The following DIAPH3 variants were observed in gnomAD, a reference collection of about 807,000 sequenced individuals.
The protein encoded by DIAPH3 is diaphanous related formin 3, also known as protein diaphanous homolog 3.
DIAPH3 carries 117 observed loss-of-function variants against 144.3 expected under a neutral mutation model. The observed-to-expected ratio is 0.81, with a 90% CI of 0.70 to 0.95. DIAPH3 has a LOEUF of 0.95. DIAPH3 is among the 40% of genes least tolerant of loss of function. DIAPH3 has a pLI of 0.00. For missense variants in DIAPH3, 1,421 were observed against 1,412.7 expected (o/e 1.01, Z -0.09); for synonymous variants, 519 against 488.9 (o/e 1.06, Z -0.81).
intron 22 of DIAPH3, among the ~76,000 whole-genome samples, chr13:59,851,635 CTTTT>C (rs200870976): frequency 3.3e-4 from 37 of 112,390 alleles, no homozygotes; most frequent in Non-Finnish European, 5.8e-4. Context: ...ATAGATGAAT[CTTTT>C]TTTTTTTTTT....
chr13:59,870,623 C>T (rs1356905834), intron 21 of DIAPH3, among the ~76,000 whole-genome samples: 2 of 149,044 alleles, frequency 1.3e-5, no homozygotes, highest in Non-Finnish European at 3.0e-5. Flanking sequence ...ATGTCTATTA[C>T]TTTATTAGAT....
intron 5 of DIAPH3, among the ~76,000 whole-genome samples, chr13:60,025,724 A>G (rs1323140253): frequency 1.3e-5 from 2 of 152,212 alleles, no homozygotes; most frequent in Non-Finnish European, 2.9e-5. Context: ...ATTGCAAAAG[A>G]ATTAAAACAG....
chr13:60,083,581 T>C (rs2057638537), intron 4 of DIAPH3, among the ~76,000 whole-genome samples: 1 of 151,894 alleles, frequency 6.6e-6, no homozygotes, highest in South Asian at 2.1e-4. Flanking sequence ...ATCAGCAAAA[T>C]TCAGAATGTC....
At chr13:59,730,902 A>G (rs2035862437) in intron 27 of DIAPH3, among the ~76,000 whole-genome samples, 1 of 152,178 alleles carries the variant, frequency 6.6e-6, no homozygotes, top group Non-Finnish European at 1.5e-5. Flanking sequence ...TATTGCTGTC[A>G]GCATATAATC....
intron 3 of DIAPH3, among the ~76,000 whole-genome samples, chr13:60,098,582 A>C (rs1447235246): frequency 4.0e-5 from 6 of 151,582 alleles, no homozygotes; most frequent in Non-Finnish European, 8.8e-5. Flanking sequence ...TGAAAGAATA[A>C]ATATAGAAAC....
intron 1 of DIAPH3, among the ~76,000 whole-genome samples, chr13:60,138,644 TCATAAA>T (rs1366051452): frequency 2.0e-5 from 3 of 152,206 alleles, no homozygotes; most frequent in Non-Finnish European, 4.4e-5. Flanking sequence ...TCATTCAGTC[TCATAAA>T]CATAAACTTA....
chr13:60,149,996 T>C (rs1951711022), intron 1 of DIAPH3, among the ~76,000 whole-genome samples: 1 of 152,080 alleles, frequency 6.6e-6, no homozygotes, highest in Non-Finnish European at 1.5e-5. Flanking sequence ...ATTGTTGGAC[T>C]TTTTAAGAAG....
chr13:60,077,428 G>A (rs1318190471), intron 4 of DIAPH3, among the ~76,000 whole-genome samples: 1 of 151,964 alleles, frequency 6.6e-6, no homozygotes, highest in Non-Finnish European at 1.5e-5. Context: ...CAAAATATGA[G>A]ATAATATGAG....
intron 24 of DIAPH3, among the ~76,000 whole-genome samples, chr13:59,831,308 A>G (rs529719627): frequency 6.6e-6 from 1 of 151,978 alleles, no homozygotes; most frequent in Non-Finnish European, 1.5e-5. Context: ...AGAACTCAGA[A>G]AAGCCATTAT....
chr13:59,817,157 T>G (rs1215711452), intron 24 of DIAPH3, among the ~76,000 whole-genome samples: 1 of 151,888 alleles, frequency 6.6e-6, no homozygotes, highest in Non-Finnish European at 1.5e-5. Flanking sequence ...AAGTTCAACT[T>G]GTGCATGAAA....
At chr13:59,707,461 A>G (rs2034493673) in intron 27 of DIAPH3, among the ~76,000 whole-genome samples, 1 of 152,180 alleles carries the variant, frequency 6.6e-6, no homozygotes, top group African/African-American at 2.4e-5. Context: ...AAACTGCAGA[A>G]TAAGGTTTTA....
At chr13:60,043,914 G>A (rs891050791) in intron 4 of DIAPH3, among the ~76,000 whole-genome samples, 2 of 152,020 alleles carry the variant, frequency 1.3e-5, no homozygotes, top group African/African-American at 2.4e-5. Flanking sequence ...TAAACAGGAT[G>A]GTCAAAGAAA....
At chr13:59,984,530 T>A (rs2051258743) in intron 12 of DIAPH3, among the ~76,000 whole-genome samples, 2 of 151,800 alleles carry the variant, frequency 1.3e-5, no homozygotes, top group African/African-American at 4.8e-5. Context: ...AGGTGAAACA[T>A]CCCTTAAGAT....
intron 2 of DIAPH3, among the ~76,000 whole-genome samples, chr13:60,117,519 C>T (rs1463526036): frequency 3.9e-5 from 6 of 152,150 alleles, no homozygotes; most frequent in East Asian, 3.9e-4. Context: ...AAAAGCATTC[C>T]GTGCCCTATT....
At chr13:59,764,506 G>A (rs2037772859) in intron 27 of DIAPH3, among the ~76,000 whole-genome samples, 2 of 150,890 alleles carry the variant, frequency 1.3e-5, no homozygotes, top group African/African-American at 4.9e-5. Context: ...ATATGTTAAA[G>A]CCCTTACCCC....
At chr13:60,091,091 C>A (rs2057913052) in intron 4 of DIAPH3, among the ~76,000 whole-genome samples, 1 of 152,316 alleles carries the variant, frequency 6.6e-6, no homozygotes, top group African/African-American at 2.4e-5. Flanking sequence ...CCAGTTCTAA[C>A]TGATGTCGTA....
chr13:60,005,982 A>G (rs2052851187), intron 9 of DIAPH3, among the ~76,000 whole-genome samples: 2 of 152,198 alleles, frequency 1.3e-5, no homozygotes. Flanking sequence ...CTAGATATTT[A>G]CTGACTAAAT....
At chr13:60,016,373 C>A (rs1273512172) in intron 5 of DIAPH3, among the ~76,000 whole-genome samples, 1 of 152,174 alleles carries the variant, frequency 6.6e-6, no homozygotes, top group Non-Finnish European at 1.5e-5. Context: ...TAAGAGCAGA[C>A]TGTGCCCATC....
At chr13:59,762,044 G>A (rs1221610558) in intron 27 of DIAPH3, among the ~76,000 whole-genome samples, 5 of 138,538 alleles carry the variant, frequency 3.6e-5, no homozygotes, top group African/African-American at 5.2e-5. Context: ...AGATGAAAGC[G>A]TCAGCATCTT....
Sources: allele counts gnomAD v4.1 joint callset (sites outside exome capture counted in the v4.1 genomes callset), GRCh38; gene constraint gnomAD v4.1.1; transcripts MANE v1.5; gene names NCBI Gene and HGNC (gene_info 2026-07-23, HGNC 2026-07-21).